The following VPS13B variants were observed in gnomAD, a reference collection of about 807,000 sequenced individuals.
VPS13B encodes vacuolar protein sorting 13 homolog B.
VPS13B carries 285 observed loss-of-function variants against 426.4 expected under a neutral mutation model. The ratio of observed to expected loss-of-function variants is 0.67; its 90% CI spans 0.61 to 0.74. The LOEUF is 0.74. VPS13B is among the 30% of genes least tolerant of loss of function. VPS13B has a pLI of 0.00. For synonymous variants in VPS13B, 1,676 were observed against 1,676.4 expected, an observed-to-expected ratio of 1.00 and a Z score of 0.01; for missense variants, 4,537 against 4,782.6, an observed-to-expected ratio of 0.95 and a Z score of 1.51.
At chr8:99,028,791 G>T (rs1386594543) in intron 2 of VPS13B, among the ~76,000 whole-genome samples, 1 of 125,264 alleles carries the variant, frequency 8.0e-6, no homozygotes, top group Admixed American at 7.7e-5. Context: ...CAGTAGGGGC[G>T]GCCGGGCAGA....
At chr8:99,383,389 A>G (rs1813937319) in intron 19 of VPS13B, among the ~76,000 whole-genome samples, 1 of 152,192 alleles carries the variant, frequency 6.6e-6, no homozygotes, top group Non-Finnish European at 1.5e-5. Context: ...TACCTAAAGT[A>G]TTCCATTTTC....
At chr8:99,581,650 A>T (rs773118745) in intron 33 of VPS13B, among the ~76,000 whole-genome samples, 1 of 152,138 alleles carries the variant, frequency 6.6e-6, no homozygotes, top group African/African-American at 2.4e-5. Context: ...GAAAACTCAA[A>T]ATTTGAAATG....
chr8:99,072,235 A>G (rs919272766), intron 3 of VPS13B, among the ~76,000 whole-genome samples: 17 of 152,136 alleles, frequency 1.1e-4, no homozygotes, highest in African/African-American at 3.6e-4. Flanking sequence ...ACCCACGGTG[A>G]GTACTACCTG....
chr8:99,814,386 A>G (rs1470693390), intron 44 of VPS13B, among the ~76,000 whole-genome samples: 1 of 152,196 alleles, frequency 6.6e-6, no homozygotes, highest in African/African-American at 2.4e-5. Flanking sequence ...AGGCTGGTTC[A>G]GTATTGGCTA....
chr8:99,658,992 G>A (rs1416428036), intron 34 of VPS13B, among the ~76,000 whole-genome samples: 1 of 151,930 alleles, frequency 6.6e-6, no homozygotes, highest in Non-Finnish European at 1.5e-5. Context: ...ACCACGCCCA[G>A]CTAAATTTTT....
intron 4 of VPS13B, among the ~76,000 whole-genome samples, chr8:99,098,752 G>A (rs1258939604): frequency 6.6e-6 from 1 of 151,944 alleles, no homozygotes; most frequent in Non-Finnish European, 1.5e-5. Flanking sequence ...TTAGTGTAAT[G>A]CTGTTTTTTA....
intron 25 of VPS13B, among the ~76,000 whole-genome samples, chr8:99,498,033 C>A (rs1279389387): frequency 6.6e-6 from 1 of 151,982 alleles, no homozygotes; most frequent in Non-Finnish European, 1.5e-5. Context: ...CCATCACATA[C>A]CATTCAACAC....
chr8:99,133,233 C>T (rs1464861263), intron 8 of VPS13B, among the ~76,000 whole-genome samples: 1 of 152,176 alleles, frequency 6.6e-6, no homozygotes, highest in Non-Finnish European at 1.5e-5. Flanking sequence ...GGTATGGAGA[C>T]GTCTTCGTTC....
intron 16 of VPS13B, among the ~76,000 whole-genome samples, chr8:99,182,886 A>G (rs1293334587): frequency 6.6e-6 from 1 of 151,988 alleles, no homozygotes; most frequent in East Asian, 1.9e-4. Context: ...ACAGGAACCC[A>G]CCCCCATGTC....
intron 22 of VPS13B, among the ~76,000 whole-genome samples, chr8:99,434,564 T>G (rs893794086): frequency 6.6e-6 from 1 of 152,054 alleles, no homozygotes; most frequent in Non-Finnish European, 1.5e-5. Flanking sequence ...TTAATCACTA[T>G]AAGAAATACA....
intron 3 of VPS13B, among the ~76,000 whole-genome samples, chr8:99,085,408 G>T (rs541917192): frequency 6.6e-6 from 1 of 152,036 alleles, no homozygotes; most frequent in African/African-American, 2.4e-5. Context: ...CTCTTTATCC[G>T]ATTTGCCAGT....
chr8:99,560,348 C>T (rs1825755), intron 31 of VPS13B, among the ~76,000 whole-genome samples: 26,548 of 151,760 alleles, frequency 0.17, 2,847 homozygotes, highest in East Asian at 0.39. Flanking sequence ...TCATGGTAGA[C>T]GTGTTTTCTA....
intron 19 of VPS13B, among the ~76,000 whole-genome samples, chr8:99,344,422 T>G (rs989000533): frequency 1.3e-5 from 2 of 152,244 alleles, no homozygotes; most frequent in African/African-American, 4.8e-5. Context: ...TTGATGTGTT[T>G]TCGAATTTCT....
At chr8:99,016,705 C>G (rs1841639828) in intron 2 of VPS13B, among the ~76,000 whole-genome samples, 1 of 151,004 alleles carries the variant, frequency 6.6e-6, no homozygotes, top group African/African-American at 2.4e-5. Flanking sequence ...CATTCTCCTG[C>G]CTCAGCCTCC....
chr8:99,613,352 A>G (rs1454678630), intron 33 of VPS13B, among the ~76,000 whole-genome samples: 1 of 152,216 alleles, frequency 6.6e-6, no homozygotes, highest in Non-Finnish European at 1.5e-5. Context: ...CTGTAAGTAG[A>G]CTGAAAGTTT....
At chr8:99,369,875 A>G (rs1563692226) in intron 19 of VPS13B, among the ~76,000 whole-genome samples, 1 of 152,208 alleles carries the variant, frequency 6.6e-6, no homozygotes, top group Non-Finnish European at 1.5e-5. Context: ...TATAATCCAA[A>G]TAAAGACTAA....
intron 19 of VPS13B, among the ~76,000 whole-genome samples, chr8:99,360,011 C>T (rs1812411725): frequency 6.6e-6 from 1 of 151,650 alleles, no homozygotes; most frequent in South Asian, 2.1e-4. Flanking sequence ...CCACATTGGC[C>T]AGGCTGGTCT....
intron 19 of VPS13B, among the ~76,000 whole-genome samples, chr8:99,371,402 G>A (rs1813172572): frequency 6.6e-6 from 1 of 152,188 alleles, no homozygotes; most frequent in East Asian, 1.9e-4. Context: ...TTGTACATGT[G>A]TGGTGCTATA....
At chr8:99,222,133 A>G (rs1815758098) in intron 17 of VPS13B, among the ~76,000 whole-genome samples, 1 of 152,170 alleles carries the variant, frequency 6.6e-6, no homozygotes, top group Non-Finnish European at 1.5e-5. Flanking sequence ...TAGGCCGTAA[A>G]TGTAGTTGTG....
Sources: gnomAD v4.1 joint callset for allele counts (sites outside exome capture counted in the v4.1 genomes callset) on GRCh38, gnomAD v4.1.1 for gene constraint, MANE v1.5 for transcripts, NCBI Gene and HGNC (gene_info 2026-07-23, HGNC 2026-07-21) for gene names.